The following CUBN variants were observed in gnomAD, a reference collection of about 807,000 sequenced individuals.
CUBN encodes the protein cubilin.
In CUBN, 282 loss-of-function variants were observed where a neutral mutation model predicts 405.3. The observed-to-expected ratio is 0.70, with a 90% CI of 0.63 to 0.77. CUBN has a LOEUF of 0.77. Among genes scored for constraint, CUBN ranks in the 30% least tolerant of loss-of-function variants. The pLI is 0.00. For synonymous variants in CUBN, 1,684 were observed against 1,617.0 expected, an observed-to-expected ratio of 1.04 and a Z score of -0.99; for missense variants, 4,514 against 4,475.2, an observed-to-expected ratio of 1.01 and a Z score of -0.25.
rs1322758656 is a variant in CUBN, at chr10:16,916,269, G to A, written c.7001-239C>T. ...AAGTCCAATACAATAATGGGAAACA[G>A]AAGATGATGACTAAATGGAATATTC... On this transcript the variant is annotated intron_variant, in intron 45 of 66. Transcript: ENST00000377833. Among the ~76,000 whole-genome samples, 3 of 152,216 alleles carry A rather than the reference G, an allele frequency of 2.0e-5. No homozygotes were observed. In the South Asian group the frequency reaches 6.2e-4, roughly 32 times the overall value.
chr10:17,011,141 C>A (rs1179630754), intron 28 of CUBN, among the ~76,000 whole-genome samples: 1 of 152,184 alleles, frequency 6.6e-6, no homozygotes, highest in Admixed American at 6.5e-5. Flanking sequence ...TGCTATGAGA[C>A]CCACAAGCAC....
intron 56 of CUBN, among the ~76,000 whole-genome samples, chr10:16,883,284 A>T (rs1840716426): frequency 6.6e-6 from 1 of 152,204 alleles, no homozygotes; most frequent in Admixed American, 6.5e-5. Context: ...ATTGCGCACG[A>T]AGGCCAAACA....
chr10:17,008,464 G>T (rs1157799408), intron 28 of CUBN, among the ~76,000 whole-genome samples: 1 of 106,038 alleles, frequency 9.4e-6, no homozygotes, highest in South Asian at 2.9e-4. Flanking sequence ...GTGTGTGTGT[G>T]CGCGCTTAGC....
chr10:17,048,749 C>T (rs977750498), intron 22 of CUBN, among the ~76,000 whole-genome samples: 10 of 152,138 alleles, frequency 6.6e-5, no homozygotes, highest in Non-Finnish European at 1.2e-4. Context: ...ATACAATAAA[C>T]TATTGTGTTT....
rs145380076 is a variant in CUBN, at chr10:17,100,211, C to A, written c.1559G>T (p.Arg520Leu). The A allele has an allele frequency of 3.1e-6, 5 of 1,613,438 alleles. No individual in the cohort carries two copies. The highest frequency in any genetic ancestry group is 4.2e-6 in the Non-Finnish European group (5 of 1,179,516). The change falls in exon 14 of 67, where the codon CGG (arginine) becomes CTG (leucine). Residue 520 changes from arginine to leucine, a missense_variant. Physicochemically the swap from Arg to Leu is moderately radical, Grantham distance 102 (BLOSUM62 -2). Around this residue, in one of 5 missense-constraint regions of CUBN, gnomAD observed 1,448 missense variants for 1,388.0 expected, o/e 1.04. Coordinates refer to ENST00000377833, the MANE Select transcript of CUBN (RefSeq NM_001081.4). ...KVLRITFTFF[R>L]LESMDNCPHE... is the part of the protein sequence containing the mutation. ...TGGACAGTTGTCCATGGATTCTAAC[C>A]GGAAAAAAGTGAAAGTGATACGCAG... is the stretch of plus-strand genomic sequence containing the variant.
intron 28 of CUBN, among the ~76,000 whole-genome samples, chr10:16,997,319 C>T (rs1179884016): frequency 2.0e-5 from 3 of 151,952 alleles, no homozygotes; most frequent in Admixed American, 2.0e-4. Flanking sequence ...CCTGTAGTCC[C>T]AGCTACTCAG....
intron 54 of CUBN, 89 bp from the exon 55 acceptor site, chr10:16,890,616 C>G (rs1159882459): frequency 1.6e-6 from 2 of 1,239,492 alleles, no homozygotes; most frequent in Admixed American, 3.4e-5. Flanking sequence ...GGCACTCACA[C>G]GTATACAGAA....
Position 16,901,264 on chromosome 10 carries a change from C to A in CUBN, c.8184+74G>T. 3 of 1,600,866 alleles carry A rather than the reference C, an allele frequency of 1.9e-6. No individual in the cohort carries two copies. In the South Asian group the frequency reaches 3.3e-5, roughly 18 times the overall value. On this transcript the variant is annotated intron_variant, in intron 52 of 66. Transcript: ENST00000377833. ...TCTAATCACTTGCTTAATAAAAGAG[C>A]TCCATTTTCATGCAGGACAGGCTAT...
intron 56 of CUBN, among the ~76,000 whole-genome samples, chr10:16,879,769 C>T (rs1041067741): frequency 2.0e-5 from 3 of 152,188 alleles, no homozygotes; most frequent in African/African-American, 7.2e-5. Context: ...AGATTTGTGG[C>T]ATTTGCCAAT....
At chr10:17,123,209 C>T (rs1191168707) in intron 5 of CUBN, among the ~76,000 whole-genome samples, 1 of 151,888 alleles carries the variant, frequency 6.6e-6, no homozygotes, top group African/African-American at 2.4e-5. Flanking sequence ...TTTTTATGTG[C>T]ATGCTGGAGA....
intron 22 of CUBN, among the ~76,000 whole-genome samples, chr10:17,054,105 G>C (rs536423503): frequency 6.6e-6 from 1 of 152,014 alleles, no homozygotes; most frequent in Non-Finnish European, 1.5e-5. Context: ...GGCCAAGGTG[G>C]GCAGATTACG....
intron 54 of CUBN, 111 bp from the exon 55 acceptor site, chr10:16,890,638 A>G: frequency 1.9e-6 from 2 of 1,063,958 alleles, no homozygotes; most frequent in Non-Finnish European, 2.9e-6. Flanking sequence ...TAAGCATAAG[A>G]GTAAACAAAA....
chr10:16,844,950 G>A (rs536359727), intron 60 of CUBN, among the ~76,000 whole-genome samples: 2 of 152,374 alleles, frequency 1.3e-5, no homozygotes, highest in Admixed American at 6.5e-5. Flanking sequence ...GCACAACTGC[G>A]ATGGACCTGG....
At chr10:16,847,206 ACTTTGGGAGGCCGAGG>A (rs1839541378) in intron 60 of CUBN, among the ~76,000 whole-genome samples, 1 of 152,200 alleles carries the variant, frequency 6.6e-6, no homozygotes, top group Non-Finnish European at 1.5e-5. Context: ...TAATCCCAGC[ACTTTGGGAGGCCGAGG>A]CGGGCGGATC....
chr10:17,085,538 T>G (rs1432893512), intron 16 of CUBN, 59 bp downstream of exon 16: 15 of 1,468,616 alleles, frequency 1.0e-5, no homozygotes, highest in African/African-American at 1.4e-5. Flanking sequence ...ATAAAACAGA[T>G]GTAAGCATAG....
chr10:16,925,473 A>C, intron 42 of CUBN, 49 bp from the exon 43 acceptor site: 1 of 1,605,912 alleles, frequency 6.2e-7, no homozygotes, highest in Non-Finnish European at 8.5e-7. Flanking sequence ...TTGCAAAAGA[A>C]GGAGTACGCA....
At chr10:16,901,504 A>G (rs1225490611) in intron 51 of CUBN, 45 bp from the exon 52 acceptor site, 1 of 1,612,392 alleles carries the variant, frequency 6.2e-7, no homozygotes, top group South Asian at 1.1e-5. Flanking sequence ...GAAGTAAAAA[A>G]AAGAACCGAT....
chr10:17,038,118 G>T (rs368204854), intron 27 of CUBN, among the ~76,000 whole-genome samples: 7 of 151,958 alleles, frequency 4.6e-5, no homozygotes, highest in African/African-American at 1.7e-4. Context: ...TCACCTCTTA[G>T]TGTTCCTACT....
chr10:16,959,029 G>A (rs1843148448), intron 31 of CUBN, among the ~76,000 whole-genome samples: 1 of 152,162 alleles, frequency 6.6e-6, no homozygotes, highest in African/African-American at 2.4e-5. Flanking sequence ...GTGCAGAAGA[G>A]AGAGAACCTG....
Sources: allele counts gnomAD v4.1 joint callset (sites outside exome capture counted in the v4.1 genomes callset), GRCh38; gene constraint gnomAD v4.1.1; regional missense constraint gnomAD v4.1.1; transcripts MANE v1.5; gene names NCBI Gene and HGNC (gene_info 2026-07-23, HGNC 2026-07-21).